Variants in NBAS observed in about 807,000 individuals in gnomAD.
The protein encoded by NBAS is NAG/BC035112 fusion.
In NBAS, 219 loss-of-function variants were observed where a neutral mutation model predicts 302.5. That is an observed-to-expected ratio of 0.72 (90% confidence interval 0.65 to 0.81). The LOEUF is 0.81. NBAS is among the 30% of genes least tolerant of loss of function. NBAS has a pLI of 0.00. For synonymous variants in NBAS, 1,118 were observed against 1,021.6 expected, an observed-to-expected ratio of 1.09 and a Z score of -1.80; for missense variants, 2,932 against 2,841.6, an observed-to-expected ratio of 1.03 and a Z score of -0.72.
At chr2:14,883,059 C>T in the NBAS span, among the ~76,000 whole-genome samples, 2 of 152,158 alleles carry the variant, frequency 1.3e-5, no homozygotes, top group Non-Finnish European at 1.5e-5. Context: ...AAGTTTATAA[C>T]TGCTAAAATG....
the NBAS span, among the ~76,000 whole-genome samples, chr2:15,080,246 G>A: frequency 3.9e-5 from 6 of 152,250 alleles, no homozygotes; most frequent in African/African-American, 1.4e-4. Flanking sequence ...AATCATGATG[G>A]TCAATTGTGC....
At chr2:15,020,857 G>A in the NBAS span, among the ~76,000 whole-genome samples, 2 of 152,130 alleles carry the variant, frequency 1.3e-5, no homozygotes, top group African/African-American at 4.8e-5. Flanking sequence ...AACTCTGAAG[G>A]AGAAACTGAG....
At chr2:14,888,217 G>A in the NBAS span, among the ~76,000 whole-genome samples, 11 of 152,262 alleles carry the variant, frequency 7.2e-5, no homozygotes, top group Non-Finnish European at 1.3e-4. Flanking sequence ...GGCAACCTCC[G>A]CCTCCTGGGT....
intron 41 of NBAS, among the ~76,000 whole-genome samples, chr2:15,288,575 G>A (rs1670163540): frequency 6.6e-6 from 1 of 152,196 alleles, no homozygotes; most frequent in Admixed American, 6.5e-5. Context: ...AACAGGGAAT[G>A]ACATCGCCAG....
intron 28 of NBAS, among the ~76,000 whole-genome samples, chr2:15,384,534 C>A (rs1258074530): frequency 6.8e-6 from 1 of 146,438 alleles, no homozygotes; most frequent in Non-Finnish European, 1.5e-5. Context: ...ACCCCCCCCC[C>A]ATTTTTCTGG....
At chr2:15,220,098 C>T (rs1666875435) in intron 47 of NBAS, among the ~76,000 whole-genome samples, 1 of 149,008 alleles carries the variant, frequency 6.7e-6, no homozygotes, top group Non-Finnish European at 1.5e-5. Flanking sequence ...CCCCACCTCC[C>T]TCCTGGACGG....
intron 44 of NBAS, among the ~76,000 whole-genome samples, chr2:15,270,311 T>C (rs1669257686): frequency 6.6e-6 from 1 of 152,112 alleles, no homozygotes; most frequent in South Asian, 2.1e-4. Flanking sequence ...ATTACAGGCA[T>C]GCGCCATCAT....
the NBAS span, among the ~76,000 whole-genome samples, chr2:14,873,688 A>T: frequency 2.2e-5 from 2 of 91,816 alleles, no homozygotes; most frequent in Non-Finnish European, 3.8e-5. Flanking sequence ...GATGTTTTCC[A>T]AAAAAAAAAA....
the NBAS span, among the ~76,000 whole-genome samples, chr2:14,838,239 G>A: frequency 1.3e-5 from 2 of 151,732 alleles, no homozygotes; most frequent in Admixed American, 1.3e-4. Flanking sequence ...ATTCTAAAAT[G>A]CTCTTTTTTA....
the NBAS span, among the ~76,000 whole-genome samples, chr2:15,060,339 TG>T: frequency 6.6e-6 from 1 of 152,276 alleles, no homozygotes; most frequent in South Asian, 2.1e-4. Flanking sequence ...GACCACCACC[TG>T]TGCATAAGTG....
intron 9 of NBAS, among the ~76,000 whole-genome samples, chr2:15,528,445 T>C (rs1663034537): frequency 6.8e-6 from 1 of 147,738 alleles, no homozygotes; most frequent in African/African-American, 2.5e-5. Flanking sequence ...ATATTTTTAA[T>C]ATATATGAAA....
At chr2:15,429,766 G>C (rs1304378158) in intron 21 of NBAS, among the ~76,000 whole-genome samples, 1 of 152,156 alleles carries the variant, frequency 6.6e-6, no homozygotes, top group African/African-American at 2.4e-5. Flanking sequence ...GTTTTTGAAG[G>C]TGTGTGAGTC....
intron 9 of NBAS, among the ~76,000 whole-genome samples, chr2:15,529,899 G>A (rs1050489015): frequency 6.6e-6 from 1 of 151,960 alleles, no homozygotes; most frequent in Non-Finnish European, 1.5e-5. Flanking sequence ...TTTTATAATC[G>A]AAAGTGTTTT....
intron 11 of NBAS, among the ~76,000 whole-genome samples, chr2:15,502,245 T>G (rs1460981676): frequency 6.6e-6 from 1 of 152,226 alleles, no homozygotes. Context: ...GTGTAGGTAA[T>G]GCAAACTTCC....
At chr2:14,886,739 C>T in the NBAS span, 2 of 152,178 alleles carry the variant, frequency 1.3e-5, no homozygotes, top group Admixed American at 1.3e-4. Context: ...GAGGGAAATG[C>T]CTAAGGTGAA....
chr2:15,146,389 A>G, the NBAS span, among the ~76,000 whole-genome samples: 2 of 152,162 alleles, frequency 1.3e-5, no homozygotes, highest in Non-Finnish European at 2.9e-5. Flanking sequence ...AATGTGATGC[A>G]TATCTTCTAC....
chr2:15,067,184 A>G, the NBAS span, among the ~76,000 whole-genome samples: 1 of 147,296 alleles, frequency 6.8e-6, no homozygotes. Context: ...AAAAAAAAAA[A>G]AAATCAAAAA....
intron 6 of NBAS, among the ~76,000 whole-genome samples, chr2:15,550,558 T>G (rs370370691): frequency 2.0e-5 from 3 of 151,912 alleles, no homozygotes; most frequent in African/African-American, 7.3e-5. Context: ...CCACCCTTTT[T>G]TTCTCCTGTA....
chr2:14,963,244 G>A, the NBAS span, among the ~76,000 whole-genome samples: 1 of 151,954 alleles, frequency 6.6e-6, no homozygotes, highest in Non-Finnish European at 1.5e-5. Flanking sequence ...CTCCAGCCTG[G>A]GTGACAGAGT....
Sources: gnomAD v4.1 joint callset for allele counts (sites outside exome capture counted in the v4.1 genomes callset) on GRCh38, gnomAD v4.1.1 for gene constraint, MANE v1.5 for transcripts, NCBI Gene and HGNC (gene_info 2026-07-23, HGNC 2026-07-21) for gene names.